Variants in CRTAP observed in about 807,000 individuals in gnomAD.
The protein encoded by CRTAP is cartilage associated protein, also known as cartilage-associated protein.
In CRTAP, 33 loss-of-function variants were observed where a neutral mutation model predicts 42.7. The ratio of observed to expected loss-of-function variants is 0.77; its 90% confidence interval spans 0.59 to 1.03. The LOEUF is 1.03. Among genes scored for constraint, CRTAP ranks in the 50% least tolerant of loss-of-function variants. The probability of loss-of-function intolerance (pLI) is 0.00; values close to 1 mark genes in which losing one functional copy is unlikely to be tolerated. For missense variants in CRTAP, 613 were observed against 533.9 expected, an observed-to-expected ratio of 1.15 and a Z score of -1.46; for synonymous variants, 243 against 217.7, an observed-to-expected ratio of 1.12 and a Z score of -1.02.
chr3:33,116,922 A>G (rs1390608258), intron 1 of CRTAP, among the ~76,000 whole-genome samples: 1 of 152,060 alleles, frequency 6.6e-6, no homozygotes, highest in East Asian at 1.9e-4. Flanking sequence ...CCTGGGCAAT[A>G]TAATGAGATC....
At chr3:33,141,717 G>A (rs2030576441) in intron 6 of CRTAP, among the ~76,000 whole-genome samples, 1 of 152,206 alleles carries the variant, frequency 6.6e-6, no homozygotes, top group Non-Finnish European at 1.5e-5. Flanking sequence ...GAGGGTTATA[G>A]AAGAGAAGTC....
chr3:33,128,392 T>C (rs1047804188), intron 3 of CRTAP, among the ~76,000 whole-genome samples: 4 of 152,226 alleles, frequency 2.6e-5, no homozygotes, highest in Admixed American at 6.5e-5. Flanking sequence ...TTTATGCCAA[T>C]GATATTTTTT....
intron 3 of CRTAP, among the ~76,000 whole-genome samples, chr3:33,125,428 G>A (rs1455995852): frequency 1.9e-5 from 2 of 104,428 alleles, no homozygotes; most frequent in African/African-American, 7.1e-5. Context: ...TGAATCCAGC[G>A]TTTTCGGTTT....
rs1045733250 is a variant in CRTAP, at chr3:33,145,850, G to T, written c.*3402G>T. ...TGACTTGGCATGCTGGGGGGTCCTCGTTCACTCTCTGAAGTTGGCCTCCTT... is the reference window on the plus strand; with the variant it reads ...TGACTTGGCATGCTGGGGGGTCCTCTTTCACTCTCTGAAGTTGGCCTCCTT... On this transcript the variant is annotated 3_prime_UTR_variant, in exon 7 of 7. Transcript: ENST00000320954. This position sits in a 1 kb window ranked among gnomAD's most constrained non-coding sequence, Gnocchi z 4.3. 6.6e-6 allele frequency: 1 copy of T among 152,528 alleles called. No individual in the cohort carries two copies. Among genetic ancestry groups the T allele is most frequent in the Admixed American group, 6.5e-5 (1 of 15,268 alleles). 9.4% of individuals were successfully genotyped at this position (152,528 alleles called of 1,614,324 possible).
intron 6 of CRTAP, among the ~76,000 whole-genome samples, chr3:33,136,550 C>T (rs9833917): frequency 0.85 from 128,891 of 152,164 alleles, 54,701 homozygotes; most frequent in East Asian, 0.96. Context: ...CAAGACTAGC[C>T]TGAGTAACAT....
rs1701306394 is a variant in CRTAP, at chr3:33,114,086, G to A, written c.9G>A (p.Pro3=). ME[P]GRRGAAALLA... is the part of the protein sequence containing the mutation. ...TCCTTTCGCCGGGCGCGATGGAGCC[G>A]GGGCGCCGGGGGGCCGCGGCGCTGC... is the stretch of plus-strand genomic sequence containing the variant. The change falls in exon 1 of 7, where the codon CCG becomes CCA. Residue 3 remains proline, a synonymous_variant. Coordinates refer to ENST00000320954, the MANE Select transcript of CRTAP (RefSeq NM_006371.5). 1 of 1,460,014 alleles carries A rather than the reference G, an allele frequency of 6.8e-7. No homozygotes were observed. The highest frequency in any genetic ancestry group is 9.0e-7 in the Non-Finnish European group (1 of 1,113,094). The allele number at this position is 1,460,014 out of a possible 1,614,324, so 90.4% of individuals were successfully genotyped here.
chr3:33,116,178 A>ATAC (rs1701341263), intron 1 of CRTAP, among the ~76,000 whole-genome samples: 1 of 152,218 alleles, frequency 6.6e-6, no homozygotes, highest in African/African-American at 2.4e-5. Flanking sequence ...GAATTTGAAC[A>ATAC]AGTGTTACAG....
chr3:33,125,707 C>T (rs2030045610), intron 3 of CRTAP, among the ~76,000 whole-genome samples: 1 of 152,032 alleles, frequency 6.6e-6, no homozygotes, highest in Non-Finnish European at 1.5e-5. Context: ...CATATTATTT[C>T]ATTTGTAATA....
Position 33,114,520 on chromosome 3 carries a change from A to C in CRTAP, c.443A>C (p.Tyr148Ser), listed in dbSNP as rs1185323876. ...GCGGACTTCCAGCGCCGCGAGCCCT[A>C]CAAGTTCCTGCAGTTCGCTTACTTC... ...VLADFQRREP[Y>S]KFLQFAYFKA... Residue 148 changes from tyrosine (Y) to serine (S), a missense_variant, in exon 1 of 7, where the codon TAC becomes TCC. Transcript: ENST00000320954. 1 of 1,603,898 alleles carries C rather than the reference A, an allele frequency of 6.2e-7. No individual in the cohort carries two copies. The highest frequency in any genetic ancestry group is 1.3e-5 in the African/African-American group (1 of 74,866).
intron 2 of CRTAP, among the ~76,000 whole-genome samples, chr3:33,121,927 C>A (rs1240897916): frequency 2.0e-5 from 3 of 152,138 alleles, no homozygotes; most frequent in African/African-American, 7.2e-5. Flanking sequence ...CATGCCTTAC[C>A]CCAGCCTCCC....
intron 4 of CRTAP, among the ~76,000 whole-genome samples, chr3:33,131,020 C>T (rs924880752): frequency 3.1e-4 from 47 of 152,186 alleles, no homozygotes; most frequent in African/African-American, 1.1e-3. Context: ...CTTGTTCAAG[C>T]AGTGTGTCCC....
chr3:33,123,898 C>T (rs2029977510), intron 2 of CRTAP, among the ~76,000 whole-genome samples: 1 of 152,158 alleles, frequency 6.6e-6, no homozygotes, highest in African/African-American at 2.4e-5. Flanking sequence ...CTCAAACTTA[C>T]ATTTTTCTTT....
At chr3:33,124,706 G>A (rs1406011538) in intron 3 of CRTAP, 127 bp downstream of exon 3, 9 of 1,025,264 alleles carry the variant, frequency 8.8e-6, no homozygotes, top group East Asian at 2.4e-5. Flanking sequence ...ACTTATTAAC[G>A]GGTAACTGAG....
chr3:33,131,798 G>A (rs1221456342), intron 4 of CRTAP, among the ~76,000 whole-genome samples: 1 of 152,080 alleles, frequency 6.6e-6, no homozygotes, highest in Non-Finnish European at 1.5e-5. Flanking sequence ...CCACTGGGTG[G>A]CACAATTTAT....
In CRTAP at chr3:33,114,148, G is replaced by A; in HGVS notation, c.71G>A (p.Gly24Glu). 6.3e-7 allele frequency: 1 copy of A among 1,578,226 alleles called. No homozygotes were observed. Among genetic ancestry groups the A allele is most frequent in the Non-Finnish European group, 8.5e-7 (1 of 1,171,180 alleles). ...TGCGTGGCCTGCGCGCTGCGCGCCG[G>A]GCGCGCCCAATACGAACGCTACAGC... The part of the protein sequence containing the change: ...LLCVACALRA[G>E]RAQYERYSFR... The change falls in exon 1 of 7, where the codon GGG (glycine) becomes GAG (glutamate). Residue 24 changes from glycine (G) to glutamate (E), a missense_variant. Gly to Glu is a moderately conservative substitution (Grantham distance 98). Coordinates refer to ENST00000320954, the MANE Select transcript of CRTAP (RefSeq NM_006371.5).
intron 3 of CRTAP, among the ~76,000 whole-genome samples, chr3:33,127,079 A>G (rs937285672): frequency 1.3e-5 from 2 of 149,880 alleles, no homozygotes; most frequent in Non-Finnish European, 3.0e-5. Flanking sequence ...TTGTGGGCAA[A>G]TTATGAGAGA....
intron 6 of CRTAP, among the ~76,000 whole-genome samples, chr3:33,141,023 T>G (rs1055844468): frequency 6.6e-6 from 1 of 152,136 alleles, no homozygotes; most frequent in African/African-American, 2.4e-5. Context: ...TTTTTGTTTT[T>G]GTTTTTGGCC....
intron 2 of CRTAP, 85 bp from the exon 3 acceptor site, chr3:33,124,323 G>A: frequency 1.3e-6 from 2 of 1,520,284 alleles, no homozygotes; most frequent in Admixed American, 1.7e-5. Flanking sequence ...CTAGCTTGGT[G>A]GTGGTCTTGG....
chr3:33,114,399 C>T lies in CRTAP; in HGVS notation c.322C>T (p.Leu108Phe). 2 of 1,538,118 alleles carry T rather than the reference C, an allele frequency of 1.3e-6. No individual in the cohort carries two copies. Among genetic ancestry groups the T allele is most frequent in the Non-Finnish European group, 8.7e-7 (1 of 1,147,378 alleles). Reference sequence around the variant, plus strand: ...CCTCGCCAGCTATCCCGAGCTGCGCCTCTTCGGGGGCCTGCTGCGCCGCGC... The same window carrying T: ...CCTCGCCAGCTATCCCGAGCTGCGCTTCTTCGGGGGCCTGCTGCGCCGCGC... ...AGLASYPELRLFGGLLRRAHC... is the reference protein window; with the variant it reads ...AGLASYPELRFFGGLLRRAHC... Residue 108 changes from leucine to phenylalanine, a missense_variant, in exon 1 of 7, where the codon CTC (leucine) becomes TTC (phenylalanine). Transcript: ENST00000320954.
Sources: allele counts gnomAD v4.1 joint callset (sites outside exome capture counted in the v4.1 genomes callset), GRCh38; gene constraint gnomAD v4.1.1; non-coding constraint Gnocchi (gnomAD v3.1); transcripts MANE v1.5; gene names NCBI Gene and HGNC (gene_info 2026-07-23, HGNC 2026-07-21).